The following NINL variants were observed in gnomAD, a reference collection of about 807,000 sequenced individuals.
NINL encodes ninein-like protein.
Under a neutral mutation model 160.3 loss-of-function variants are expected in NINL, and 153 were observed. That is an observed-to-expected ratio of 0.95 (90% CI 0.84 to 1.09). NINL has a LOEUF of 1.09. Among genes scored for constraint, NINL ranks in the 50% least tolerant of loss-of-function variants. NINL has a pLI of 0.00. For missense variants in NINL, 1,829 were observed against 1,764.0 expected (o/e 1.04, Z -0.66); for synonymous variants, 800 against 734.8 (o/e 1.09, Z -1.43).
At chr20:25,487,351 TGC>T (rs2063523736) in intron 13 of NINL, among the ~76,000 whole-genome samples, 1 of 152,226 alleles carries the variant, frequency 6.6e-6, no homozygotes, top group South Asian at 2.1e-4. Flanking sequence ...TATTTGTGGA[TGC>T]ATATGACTTA....
chr20:25,538,767 G>T (rs6076358), intron 1 of NINL, among the ~76,000 whole-genome samples: 68,351 of 151,666 alleles, frequency 0.45, 16,469 homozygotes, highest in Admixed American at 0.55. Flanking sequence ...GAACTGAGGA[G>T]AGCACAGAAC....
chr20:25,530,333 C>T (rs1378626670), intron 1 of NINL, among the ~76,000 whole-genome samples: 4 of 152,148 alleles, frequency 2.6e-5, no homozygotes. Flanking sequence ...TTTAAACTTG[C>T]ACTGAGAGAT....
chr20:25,546,081 A>T (rs945556453), intron 1 of NINL, among the ~76,000 whole-genome samples: 2 of 152,064 alleles, frequency 1.3e-5, no homozygotes, highest in Non-Finnish European at 2.9e-5. Flanking sequence ...GCTTCCCTAA[A>T]ATGCATAAGA....
intron 1 of NINL, among the ~76,000 whole-genome samples, chr20:25,575,737 C>T (rs2065108020): frequency 6.7e-6 from 1 of 150,158 alleles, no homozygotes; most frequent in African/African-American, 2.5e-5. Flanking sequence ...AGAGCAAGTA[C>T]TCAGTCTCAA....
chr20:25,521,066 C>T (rs1210395258), intron 2 of NINL, among the ~76,000 whole-genome samples: 1 of 152,142 alleles, frequency 6.6e-6, no homozygotes, highest in Admixed American at 6.5e-5. Flanking sequence ...CACATAATGC[C>T]CCTCCAGCAT....
intron 21 of NINL, among the ~76,000 whole-genome samples, chr20:25,460,466 C>T (rs1292686798): frequency 3.9e-5 from 6 of 152,166 alleles, no homozygotes; most frequent in Admixed American, 3.9e-4. Flanking sequence ...TTGGCCCCAG[C>T]GGTGCCTCCC....
chr20:25,518,657 A>C (rs1331406680), intron 2 of NINL, among the ~76,000 whole-genome samples: 1 of 152,150 alleles, frequency 6.6e-6, no homozygotes, highest in Non-Finnish European at 1.5e-5. Context: ...TATGTAATCT[A>C]ATTACATTTA....
In NINL at chr20:25,552,139, CG is replaced by C. The variant is rs372911630; in HGVS notation, c.-11-25542del. On this transcript the variant is annotated intron_variant, in intron 1 of 23. Coordinates refer to ENST00000278886, the MANE Select transcript of NINL (RefSeq NM_025176.6). ...CTCTCCCTTTGGCATAACCAGTTGGCGGGGTGGGGATGGGGAGGTACCAAAA... is the reference window on the plus strand; with the variant it reads ...CTCTCCCTTTGGCATAACCAGTTGGCGGGTGGGGATGGGGAGGTACCAAAA... 2.6e-4 allele frequency among the ~76,000 whole-genome samples: 39 copies of C among 152,132 alleles called. No individual in the cohort carries two copies. The East Asian group carries it at 6.7e-3, about 26-fold the overall frequency.
intron 10 of NINL, 35 bp downstream of exon 10, chr20:25,496,628 C>T (rs779085431): frequency 1.2e-6 from 2 of 1,610,212 alleles, no homozygotes; most frequent in African/African-American, 1.3e-5. Context: ...TGGGGAGGCC[C>T]AGGTAAGAAT....
At chr20:25,499,076 C>T in intron 8 of NINL, 1 of 985,484 alleles carries the variant, frequency 1.0e-6, no homozygotes, top group Non-Finnish European at 1.2e-6. Context: ...CGGCAGGCAC[C>T]ATGGCAGGGC....
chr20:25,561,175 T>C (rs897414661), intron 1 of NINL, among the ~76,000 whole-genome samples: 4 of 152,118 alleles, frequency 2.6e-5, no homozygotes, highest in South Asian at 2.1e-4. Flanking sequence ...TGCCTGCGAT[T>C]GCAGGCGCGC....
intron 9 of NINL, among the ~76,000 whole-genome samples, chr20:25,497,077 A>T (rs777457758): frequency 1.3e-5 from 2 of 152,236 alleles, no homozygotes; most frequent in Admixed American, 6.5e-5. Context: ...GGAGTCCCAC[A>T]GCATGCCATA....
chr20:25,470,508 C>A (rs1380571880), intron 17 of NINL, among the ~76,000 whole-genome samples: 1 of 152,176 alleles, frequency 6.6e-6, no homozygotes, highest in African/African-American at 2.4e-5. Context: ...AGCTAAGAAA[C>A]ACAGGAATCA....
intron 10 of NINL, among the ~76,000 whole-genome samples, chr20:25,495,025 A>G (rs1408137859): frequency 1.3e-5 from 2 of 152,178 alleles, no homozygotes; most frequent in African/African-American, 2.4e-5. Flanking sequence ...TTGGCTGAAC[A>G]ATGGGGATAA....
At chr20:25,487,734 A>C (rs1834214928) in intron 13 of NINL, among the ~76,000 whole-genome samples, 1 of 152,266 alleles carries the variant, frequency 6.6e-6, no homozygotes, top group Non-Finnish European at 1.5e-5. Context: ...TATTGTTAAT[A>C]ATCGACCCAA....
At chr20:25,484,185 GT>G (rs2063460199) in intron 13 of NINL, among the ~76,000 whole-genome samples, 1 of 152,190 alleles carries the variant, frequency 6.6e-6, no homozygotes, top group South Asian at 2.1e-4. Context: ...AAGAAAAAAA[GT>G]TTTTAAAAAC....
At chr20:25,510,560 T>C in intron 5 of NINL, 114 bp downstream of exon 5, 5 of 912,038 alleles carry the variant, frequency 5.5e-6, no homozygotes, top group Non-Finnish European at 7.3e-6. Context: ...ACCCACCCCA[T>C]GCATTTCCCA....
chr20:25,517,648 G>C, intron 3 of NINL, 105 bp downstream of exon 3: 1 of 813,950 alleles, frequency 1.2e-6, no homozygotes, highest in South Asian at 1.7e-5. Context: ...CAGAAAGTAA[G>C]GTAGAATTCA....
At position 25,513,049 on chromosome 20, in the gene NINL, GT is replaced by G. The variant is rs773147318; in HGVS notation, c.278-44del. 1.9e-6 allele frequency: 3 copies of G among 1,565,970 alleles called. No homozygotes were observed. The South Asian group carries it at 3.6e-5, about 19-fold the overall frequency. ...AATTTGGTGGGGGTCCTTTATAGCA[GT>G]TCTGGGCCCATGCAGGCCAGCAGGT... On this transcript the variant is annotated intron_variant, in intron 3 of 23. Transcript: ENST00000278886.
Sources: allele counts gnomAD v4.1 joint callset (sites outside exome capture counted in the v4.1 genomes callset), GRCh38; gene constraint gnomAD v4.1.1; transcripts MANE v1.5; gene names NCBI Gene and HGNC (gene_info 2026-07-23, HGNC 2026-07-21).